Variants in GABRB1 observed in about 807,000 individuals in gnomAD.
GABRB1 encodes the protein gamma-aminobutyric acid receptor subunit beta-1.
GABRB1 carries 17 observed loss-of-function variants against 51.6 expected under a neutral mutation model. The ratio of observed to expected loss-of-function variants is 0.33; its 90% CI spans 0.23 to 0.49. The LOEUF (loss-of-function observed/expected upper bound fraction) is 0.49. Ranked by LOEUF, GABRB1 falls within the 20% of genes least tolerant of loss-of-function variation. GABRB1 has a pLI of 0.99. For synonymous variants in GABRB1, 247 were observed against 218.9 expected (o/e 1.13, Z -1.14); for missense variants, 410 against 600.6 (o/e 0.68, Z 3.32).
At chr4:47,083,519 T>C (rs1727939032) in intron 3 of GABRB1, among the ~76,000 whole-genome samples, 1 of 152,160 alleles carries the variant, frequency 6.6e-6, no homozygotes, top group African/African-American at 2.4e-5. Context: ...TCATAAAAGC[T>C]AGTGAATGTG....
chr4:47,340,730 AAC>A (rs564370547), intron 5 of GABRB1, among the ~76,000 whole-genome samples: 104 of 152,246 alleles, frequency 6.8e-4, no homozygotes, highest in Non-Finnish European at 1.1e-3. Flanking sequence ...ATGTTCTGTA[AAC>A]ACAAACACTC....
At chr4:47,342,796 T>A (rs1725951027) in intron 5 of GABRB1, among the ~76,000 whole-genome samples, 1 of 152,056 alleles carries the variant, frequency 6.6e-6, no homozygotes. Flanking sequence ...TCCAAAATGA[T>A]GTCACTAAGG....
chr4:47,050,414 A>G (rs1726292918), intron 3 of GABRB1, among the ~76,000 whole-genome samples: 1 of 150,634 alleles, frequency 6.6e-6, no homozygotes, highest in South Asian at 2.1e-4. Context: ...TCAGGCAACA[A>G]ATATATGTAT....
chr4:47,408,128 T>A (rs1190497656), intron 8 of GABRB1, among the ~76,000 whole-genome samples: 1 of 152,146 alleles, frequency 6.6e-6, no homozygotes, highest in Admixed American at 6.5e-5. Context: ...AACAGAGTAC[T>A]GAACAAAAGA....
chr4:47,215,543 A>G (rs532674314), intron 4 of GABRB1, among the ~76,000 whole-genome samples: 2 of 152,208 alleles, frequency 1.3e-5, no homozygotes, highest in East Asian at 3.9e-4. Context: ...GGATAAATAA[A>G]TAAGGTATAC....
intron 8 of GABRB1, 70 bp downstream of exon 8, chr4:47,406,996 T>C: frequency 6.9e-7 from 1 of 1,440,208 alleles, no homozygotes; most frequent in Non-Finnish European, 9.5e-7. Flanking sequence ...CGGGCTCTCA[T>C]AACTTAAAAA....
At chr4:47,212,817 C>T (rs1465941064) in intron 4 of GABRB1, among the ~76,000 whole-genome samples, 1 of 151,998 alleles carries the variant, frequency 6.6e-6, no homozygotes, top group Non-Finnish European at 1.5e-5. Flanking sequence ...AAAGTCTATC[C>T]CCAATCCTGT....
intron 3 of GABRB1, among the ~76,000 whole-genome samples, chr4:47,058,865 GA>G (rs1711656579): frequency 6.6e-6 from 1 of 152,018 alleles, no homozygotes; most frequent in African/African-American, 2.4e-5. Flanking sequence ...ATAATCTTTT[GA>G]AACAAAAAAC....
chr4:47,178,513 A>C (rs1718798669), intron 4 of GABRB1, among the ~76,000 whole-genome samples: 1 of 152,104 alleles, frequency 6.6e-6, no homozygotes, highest in South Asian at 2.1e-4. Context: ...GCTAAAGAAG[A>C]ATAAAGCCAT....
chr4:47,222,290 C>G (rs902449208), intron 4 of GABRB1, among the ~76,000 whole-genome samples: 1 of 152,084 alleles, frequency 6.6e-6, no homozygotes, highest in African/African-American at 2.4e-5. Context: ...ATGGAATCAA[C>G]AAATAATGAG....
chr4:47,183,402 A>G (rs1719041879), intron 4 of GABRB1, among the ~76,000 whole-genome samples: 1 of 148,126 alleles, frequency 6.8e-6, no homozygotes, highest in South Asian at 2.1e-4. Context: ...ATATAAATAC[A>G]TATTTACTGG....
intron 4 of GABRB1, among the ~76,000 whole-genome samples, chr4:47,263,362 C>T (rs1231158184): frequency 2.0e-5 from 3 of 152,042 alleles, no homozygotes; most frequent in Admixed American, 6.6e-5. Flanking sequence ...GCCACCTTTT[C>T]TGTAACACAC....
chr4:47,221,798 C>G (rs1251820136), intron 4 of GABRB1, among the ~76,000 whole-genome samples: 1 of 151,968 alleles, frequency 6.6e-6, no homozygotes, highest in Non-Finnish European at 1.5e-5. Flanking sequence ...CATCAACAGA[C>G]CAATACATTT....
At chr4:47,319,131 T>C (rs1724983719) in intron 4 of GABRB1, among the ~76,000 whole-genome samples, 1 of 152,162 alleles carries the variant, frequency 6.6e-6, no homozygotes, top group Admixed American at 6.5e-5. Context: ...ATTCATTTTC[T>C]AATCATCCTT....
intron 4 of GABRB1, among the ~76,000 whole-genome samples, chr4:47,283,623 C>T (rs1723387856): frequency 1.3e-5 from 2 of 151,456 alleles, no homozygotes; most frequent in Non-Finnish European, 2.9e-5. Flanking sequence ...CTCCTGACCT[C>T]GTGATCCACC....
intron 5 of GABRB1, among the ~76,000 whole-genome samples, chr4:47,347,635 GA>G (rs1349712610): frequency 6.7e-6 from 1 of 148,422 alleles, no homozygotes; most frequent in South Asian, 2.1e-4. Context: ...TATGTCAAGT[GA>G]AAAAAAAATG....
chr4:47,363,449 T>G (rs898589042), intron 5 of GABRB1, among the ~76,000 whole-genome samples: 2 of 152,088 alleles, frequency 1.3e-5, no homozygotes, highest in Non-Finnish European at 2.9e-5. Context: ...CTCTTACTTT[T>G]GGGTTTTCTC....
chr4:47,074,174 T>C (rs963116322), intron 3 of GABRB1, among the ~76,000 whole-genome samples: 1 of 152,154 alleles, frequency 6.6e-6, no homozygotes, highest in Admixed American at 6.6e-5. Flanking sequence ...GCTTTTCATA[T>C]AGAAAAAACA....
intron 1 of GABRB1, among the ~76,000 whole-genome samples, chr4:47,009,230 A>G (rs1320616973): frequency 1.3e-5 from 2 of 150,084 alleles, no homozygotes; most frequent in Non-Finnish European, 3.0e-5. Flanking sequence ...AATATATTCA[A>G]AATATTTATT....
Sources: allele counts gnomAD v4.1 joint callset (sites outside exome capture counted in the v4.1 genomes callset), GRCh38; gene constraint gnomAD v4.1.1; transcripts MANE v1.5; gene names NCBI Gene and HGNC (gene_info 2026-07-23, HGNC 2026-07-21).